The following CLCN5 variants were observed in gnomAD, a reference collection of about 807,000 sequenced individuals.
CLCN5 encodes the protein Cl-/H+ antiporter 5.
CLCN5 carries 17 observed loss-of-function variants against 54.0 expected under a neutral mutation model. That is an observed-to-expected ratio of 0.31 (90% CI 0.22 to 0.47). The LOEUF is 0.47. Ranked by LOEUF, CLCN5 falls within the 20% of genes least tolerant of loss-of-function variation. CLCN5 has a pLI of 1.00. For synonymous variants in CLCN5, 222 were observed against 233.0 expected (o/e 0.95, Z 0.43); for missense variants, 448 against 646.7 (o/e 0.69, Z 3.33).
intron 3 of CLCN5, among the ~76,000 whole-genome samples, chrX:50,015,794 G>A (rs1462539155): frequency 9.0e-6 from 1 of 110,892 alleles, no homozygotes; most frequent in African/African-American, 3.3e-5. Context: ...CAAATTTATA[G>A]TGTTCAGGTC....
intron 1 of CLCN5, among the ~76,000 whole-genome samples, 170 bp downstream of exon 1, chrX:49,922,962 T>C (rs1206842407): frequency 8.9e-6 from 1 of 112,181 alleles, no homozygotes; most frequent in Non-Finnish European, 1.9e-5. Flanking sequence ...AGCCCGGCGC[T>C]TAGAGGAGGT....
intron 3 of CLCN5, among the ~76,000 whole-genome samples, chrX:49,957,253 T>C (rs1047857338): frequency 7.0e-4 from 78 of 111,164 alleles, no homozygotes; most frequent in African/African-American, 2.4e-3. Context: ...TGAGCCAAGA[T>C]TGCACCACTG....
intron 14 of CLCN5, 45 bp downstream of exon 14, chrX:50,090,931 G>T (rs782751244): frequency 1.9e-6 from 2 of 1,044,717 alleles, no homozygotes; most frequent in East Asian, 3.0e-5. Flanking sequence ...GGGAGAAAGA[G>T]AATGCAGAGA....
chrX:50,029,680 A>G (rs1183815451), intron 3 of CLCN5, among the ~76,000 whole-genome samples: 1 of 111,815 alleles, frequency 8.9e-6, no homozygotes, highest in African/African-American at 3.3e-5. Flanking sequence ...CAAAACCACA[A>G]TGAGATACCA....
intron 3 of CLCN5, chrX:50,003,097 C>A (rs1281698419): frequency 5.7e-6 from 2 of 353,627 alleles, no homozygotes; most frequent in Non-Finnish European, 1.1e-5. Context: ...TCATAGAAGT[C>A]CAAGGCATCT....
At chrX:50,060,204 G>T (rs943272967) in intron 4 of CLCN5, among the ~76,000 whole-genome samples, 1 of 110,475 alleles carries the variant, frequency 9.1e-6, no homozygotes. Context: ...CAGCGTGAGC[G>T]ACGCAGAAGA....
intron 3 of CLCN5, among the ~76,000 whole-genome samples, chrX:49,989,053 C>T (rs1269865083): frequency 9.2e-6 from 1 of 108,368 alleles, no homozygotes; most frequent in South Asian, 3.9e-4. Flanking sequence ...TGCTGCTCTA[C>T]TTACACTTAA....
chrX:50,060,160 T>C (rs1461650175), intron 4 of CLCN5, among the ~76,000 whole-genome samples: 6 of 109,987 alleles, frequency 5.5e-5, no homozygotes, highest in African/African-American at 2.0e-4. Context: ...GGAGCCAAGA[T>C]GGCCGAATAG....
chrX:50,076,506 C>T (rs1171011084), intron 7 of CLCN5, among the ~76,000 whole-genome samples: 1 of 111,195 alleles, frequency 9.0e-6, no homozygotes, highest in Non-Finnish European at 1.9e-5. Flanking sequence ...TTCATTTGTC[C>T]TTGTCTTCTA....
chrX:49,938,653 G>A (rs200079425), intron 3 of CLCN5, among the ~76,000 whole-genome samples: 234 of 90,218 alleles, frequency 2.6e-3, no homozygotes, highest in South Asian at 4.0e-3. Context: ...ATGGATTAAA[G>A]ACTTACATGT....
chrX:50,013,016 A>G (rs55916008), intron 3 of CLCN5, among the ~76,000 whole-genome samples: 1,628 of 111,327 alleles, frequency 0.015, 18 homozygotes, highest in Middle Eastern at 0.051. Context: ...CACCTCCTCC[A>G]TAACCACACA....
rs992567238 is a variant in CLCN5, at chrX:50,096,794, T to C, written c.*4575T>C. The C allele has an allele frequency of 8.9e-6, 1 of 112,380 alleles. No individual in the cohort carries two copies. The highest frequency in any genetic ancestry group is 3.3e-5 in the African/African-American group (1 of 30,636). The allele number at this position is 112,380 out of a possible 1,213,427, so 9.3% of individuals were successfully genotyped here. ...GTTCTGGCATTTATAAACTGCTTGATTGTGTGCCTCAAGGGGAGAAAAAGT... is the reference window on the plus strand; with the variant it reads ...GTTCTGGCATTTATAAACTGCTTGACTGTGTGCCTCAAGGGGAGAAAAAGT... On this transcript the variant is annotated 3_prime_UTR_variant, in exon 15 of 15. Transcript: ENST00000376091.
At chrX:50,070,951 G>T (rs1933195511) in intron 5 of CLCN5, among the ~76,000 whole-genome samples, 1 of 111,067 alleles carries the variant, frequency 9.0e-6, no homozygotes, top group Non-Finnish European at 1.9e-5. Context: ...ATTCTCAGTA[G>T]GTGGTCCTCT....
At position 50,007,440 on chromosome X, in the gene CLCN5, TCACA is replaced by T. The variant is rs1198364892; in HGVS notation, c.17-34845_17-34842del. On this transcript the variant is annotated intron_variant, in intron 3 of 14. Transcript: ENST00000376091. ...CTCTCTCTCTCTCTCTCTCTCTCTG[TCACA>T]CACACACACACACACACACACACAC... Among the ~76,000 whole-genome samples, 487 of 69,422 alleles carry T rather than the reference TCACA, an allele frequency of 7.0e-3. 3 individuals are homozygous for T. The highest frequency in any genetic ancestry group is 0.027 in the Admixed American group (172 of 6,343). The allele number at this position is 69,422 out of a possible 115,157, so 60.3% of individuals were successfully genotyped here. A position where few individuals can be genotyped will look rare whatever the true frequency, so the allele number is the denominator to read the frequency against.
At chrX:50,076,061 A>G (rs1933391507) in intron 7 of CLCN5, 79 bp downstream of exon 7, 4 of 942,733 alleles carry the variant, frequency 4.2e-6, no homozygotes, top group African/African-American at 1.9e-5. Context: ...GCTCACAGCA[A>G]TTGCGGAATC....
At position 49,927,670 on chromosome X, in the gene CLCN5, A is replaced by C. The variant is rs782669499; in HGVS notation, c.16+2356A>C. Among the ~76,000 whole-genome samples, 331 of 112,341 alleles carry C rather than the reference A, an allele frequency of 2.9e-3. 1 individual carries two copies. Among genetic ancestry groups the C allele is most frequent in the Non-Finnish European group, 4.8e-3 (255 of 53,293 alleles). On this transcript the variant is annotated intron_variant, in intron 3 of 14. Coordinates refer to ENST00000376091, the MANE Select transcript of CLCN5 (RefSeq NM_001127898.4). ...TCCCATTGCTGAGTATATAGCCAAA[A>C]GAAAGGAAATCAGTATTGAAGAGAG... is the stretch of plus-strand genomic sequence containing the variant.
chrX:50,067,270 A>G (rs1406463593), intron 4 of CLCN5, among the ~76,000 whole-genome samples: 2 of 111,513 alleles, frequency 1.8e-5, no homozygotes, highest in Non-Finnish European at 3.8e-5. Context: ...GCTGCTATCT[A>G]GTGTATTTTT....
intron 3 of CLCN5, among the ~76,000 whole-genome samples, chrX:49,942,984 A>C (rs1926465792): frequency 9.6e-6 from 1 of 104,207 alleles, no homozygotes; most frequent in South Asian, 4.6e-4. Flanking sequence ...CGCCACACTG[A>C]CTTCCACAAT....
At chrX:49,941,051 G>A (rs782241233) in intron 3 of CLCN5, among the ~76,000 whole-genome samples, 40 of 111,812 alleles carry the variant, frequency 3.6e-4, no homozygotes, top group African/African-American at 1.2e-3. Flanking sequence ...GGTAGGCTGG[G>A]TGTGGTGGCT....
Sources: allele counts gnomAD v4.1 joint callset (sites outside exome capture counted in the v4.1 genomes callset), GRCh38; gene constraint gnomAD v4.1.1; transcripts MANE v1.5; gene names NCBI Gene and HGNC (gene_info 2026-07-23, HGNC 2026-07-21).